MROH2B: variants seen among roughly 807,000 people sequenced by gnomAD.
MROH2B encodes maestro heat like repeat family member 2B.
In MROH2B, 177 loss-of-function variants were observed where a neutral mutation model predicts 208.6. The observed-to-expected ratio is 0.85, with a 90% CI of 0.75 to 0.96. MROH2B has a LOEUF of 0.96. Among genes scored for constraint, MROH2B ranks in the 40% least tolerant of loss-of-function variants. MROH2B has a pLI of 0.00. For missense variants in MROH2B, 2,002 were observed against 1,878.7 expected, an observed-to-expected ratio of 1.07 and a Z score of -1.21; for synonymous variants, 728 against 659.0, an observed-to-expected ratio of 1.10 and a Z score of -1.60.
intron 36 of MROH2B, 41 bp downstream of exon 36, chr5:41,004,733 C>T: frequency 6.3e-7 from 1 of 1,587,764 alleles, no homozygotes; most frequent in Non-Finnish European, 8.5e-7. Context: ...TATTTCAAAA[C>T]TCTACTTAAA....
chr5:41,033,873 A>C lies in MROH2B; in HGVS notation c.2215-9T>G. On this transcript the variant is annotated splice_polypyrimidine_tract_variant and intron_variant, in intron 21 of 41. Coordinates refer to ENST00000399564, the MANE Select transcript of MROH2B (RefSeq NM_173489.5). ...ACAGACATGCCCAGAACCTAAAAAA[A>C]ATCAAAGGCAAAATTAGATACTCAA... is the stretch of plus-strand genomic sequence containing the variant. The C allele has an allele frequency of 6.5e-7, 1 of 1,549,270 alleles. No individual in the cohort carries two copies. Among genetic ancestry groups the C allele is most frequent in the South Asian group, 1.2e-5 (1 of 83,920 alleles).
chr5:41,060,137 A>G (rs368418587), intron 6 of MROH2B, among the ~76,000 whole-genome samples: 41 of 152,220 alleles, frequency 2.7e-4, no homozygotes, highest in African/African-American at 9.4e-4. Flanking sequence ...TAAGCATCCA[A>G]CTGATGCCAA....
intron 40 of MROH2B, among the ~76,000 whole-genome samples, chr5:40,999,226 T>C (rs962809812): frequency 1.3e-5 from 2 of 152,206 alleles, no homozygotes; most frequent in Non-Finnish European, 2.9e-5. Context: ...CAGAATCACA[T>C]AGCAGAGCCA....
intron 17 of MROH2B, among the ~76,000 whole-genome samples, chr5:41,047,325 A>C (rs2150174477): frequency 6.6e-6 from 1 of 152,300 alleles, no homozygotes; most frequent in African/African-American, 2.4e-5. Flanking sequence ...ACATTAAGCC[A>C]CAAATAGAAG....
At chr5:41,032,915 G>T in intron 23 of MROH2B, 94 bp from the exon 24 acceptor site, 1 of 1,546,642 alleles carries the variant, frequency 6.5e-7, no homozygotes, top group Non-Finnish European at 8.8e-7. Context: ...GGTGCCCTGG[G>T]TCATAAACAA....
At chr5:41,052,630 G>C (rs1375019045) in intron 11 of MROH2B, 43 bp from the exon 12 acceptor site, 1 of 1,536,754 alleles carries the variant, frequency 6.5e-7, no homozygotes, top group Non-Finnish European at 8.8e-7. Flanking sequence ...ACTATGTTTT[G>C]CAGAAGGGAA....
chr5:41,024,265 C>T (rs538425683), intron 24 of MROH2B, among the ~76,000 whole-genome samples: 59 of 152,218 alleles, frequency 3.9e-4, no homozygotes, highest in Admixed American at 1.1e-3. Context: ...TCAAGACCCA[C>T]CAGTGTGCTG....
rs746679469 is a variant in MROH2B at position 41,048,416 on chromosome 5, A to G, written c.1592T>C (p.Ile531Thr). ...CTCAGGCAGTATCTTCAAAAGCCCT[A>G]TTGCACCAGCCCCACGTAACTCCCC... ...SLGELRGAGA[I>T]GLLKILPEII... Residue 531 changes from isoleucine to threonine, a missense_variant, in exon 16 of 42, where the codon ATA becomes ACA. Physicochemically the swap from Ile to Thr is moderately conservative, Grantham distance 89. Transcript: ENST00000399564. 1.2e-6 allele frequency: 2 copies of G among 1,613,460 alleles called. No individual in the cohort carries two copies. The highest frequency in any genetic ancestry group is 1.7e-6 in the Non-Finnish European group (2 of 1,179,704).
At chr5:41,048,291 C>G (rs374569136) in intron 16 of MROH2B, 33 bp downstream of exon 16, 7 of 1,570,566 alleles carry the variant, frequency 4.5e-6, no homozygotes, top group Non-Finnish European at 6.0e-6. Context: ...GTTCTTGCCC[C>G]CTGGGTAAAG....
intron 6 of MROH2B, 102 bp downstream of exon 6, chr5:41,061,468 G>T: frequency 9.8e-7 from 1 of 1,021,338 alleles, no homozygotes; most frequent in Non-Finnish European, 1.3e-6. Flanking sequence ...ACAACCAATG[G>T]CTTCCAAAAA....
At chr5:41,032,946 G>A (rs191358070) in intron 23 of MROH2B, 95 bp downstream of exon 23, 7 of 1,562,322 alleles carry the variant, frequency 4.5e-6, no homozygotes, top group Admixed American at 3.8e-5. Flanking sequence ...TGTTATGTGG[G>A]ACTGGTGAAG....
intron 24 of MROH2B, among the ~76,000 whole-genome samples, chr5:41,029,478 T>A (rs901448897): frequency 4.6e-5 from 7 of 152,136 alleles, no homozygotes; most frequent in Non-Finnish European, 7.4e-5. Context: ...TAGTTTGATG[T>A]AGTGTCATTT....
Position 41,008,631 on chromosome 5 carries a change from G to C in MROH2B, c.3583C>G (p.Gln1195Glu), listed in dbSNP as rs181404160. 6.2e-7 allele frequency: 1 copy of C among 1,613,876 alleles called. No homozygotes were observed. Among genetic ancestry groups the C allele is most frequent in the Non-Finnish European group, 8.5e-7 (1 of 1,179,842 alleles). The change falls in exon 33 of 42, where the codon CAG becomes GAG. Residue 1195 changes from glutamine (Q) to glutamate (E), a missense_variant. Physicochemically the swap from Gln to Glu is conservative, Grantham distance 29 (BLOSUM62 2). Transcript: ENST00000399564. ...CTGCAGGGGTCTGGGATCTGCTGCTGTTCTCCCTGCTGCATCACATGCCGC... is the reference window on the plus strand; with the variant it reads ...CTGCAGGGGTCTGGGATCTGCTGCTCTTCTCCCTGCTGCATCACATGCCGC... ...HRRHVMQQGE[Q>E]QQIPDPCRLS...
At chr5:41,032,000 C>T (rs754310396) in intron 24 of MROH2B, among the ~76,000 whole-genome samples, 11 of 152,198 alleles carry the variant, frequency 7.2e-5, no homozygotes, top group South Asian at 2.1e-4. Flanking sequence ...GTTGATTTCA[C>T]GTCTTTGCTG....
chr5:41,008,705 A>T lies in MROH2B; in HGVS notation c.3509T>A (p.Val1170Asp), dbSNP rs1364105195. 6.2e-7 allele frequency: 1 copy of T among 1,613,912 alleles called. No individual in the cohort carries two copies. ...PELFTLLLKL[V>D]SCTLGQKMLT... ...CATCTTCTGGCCCAGTGTGCAGCTA[A>T]CCAGCTTCAGGAGGAGAGTGAACAG... Residue 1170 changes from valine (V) to aspartate (D), a missense_variant, in exon 33 of 42, where the codon GTT (valine) becomes GAT (aspartate). Physicochemically the swap from Val to Asp is radical, Grantham distance 152 (BLOSUM62 -3). Coordinates refer to ENST00000399564, the MANE Select transcript of MROH2B (RefSeq NM_173489.5).
chr5:41,058,226 C>A, intron 6 of MROH2B, 23 bp from the exon 7 acceptor site: 3 of 1,475,298 alleles, frequency 2.0e-6, no homozygotes, highest in Non-Finnish European at 2.7e-6. Context: ...CAAACAAATA[C>A]CGTTTCTGAA....
At chr5:41,066,685 C>G (rs1743823620) in intron 3 of MROH2B, among the ~76,000 whole-genome samples, 2 of 152,102 alleles carry the variant, frequency 1.3e-5, no homozygotes, top group Admixed American at 6.5e-5. Context: ...ATAACATCAT[C>G]CTAGGATTCA....
chr5:41,001,417 G>A (rs1158425553), intron 37 of MROH2B, among the ~76,000 whole-genome samples: 1 of 151,982 alleles, frequency 6.6e-6, no homozygotes, highest in Non-Finnish European at 1.5e-5. Flanking sequence ...GATGATTTTA[G>A]GAAGCCAAGA....
chr5:41,000,103 C>T, intron 39 of MROH2B, 117 bp downstream of exon 39: 1 of 1,358,560 alleles, frequency 7.4e-7, no homozygotes, highest in Non-Finnish European at 1.0e-6. Flanking sequence ...TCACTGCCAT[C>T]CTTCCAAGGC....
Sources: allele counts gnomAD v4.1 joint callset (sites outside exome capture counted in the v4.1 genomes callset), GRCh38; gene constraint gnomAD v4.1.1; transcripts MANE v1.5; gene names NCBI Gene and HGNC (gene_info 2026-07-23, HGNC 2026-07-21).